The following TENM3 variants were observed in gnomAD, a reference collection of about 807,000 sequenced individuals.
TENM3 encodes teneurin transmembrane protein 3, also known as teneurin-3.
TENM3 carries 63 observed loss-of-function variants against 255.1 expected under a neutral mutation model. That is an observed-to-expected ratio of 0.25 (90% CI 0.20 to 0.30). The LOEUF is 0.30. TENM3 is among the 10% of genes least tolerant of loss of function. The pLI is 1.00. For synonymous variants in TENM3, 1,306 were observed against 1,322.3 expected (o/e 0.99, Z 0.27); for missense variants, 2,929 against 3,461.1 (o/e 0.85, Z 3.86).
At chr4:181,835,967 C>T in the TENM3 span, among the ~76,000 whole-genome samples, 107,989 of 151,842 alleles carry the variant, frequency 0.71, 38,666 homozygotes, top group East Asian at 0.93. Flanking sequence ...TTGGTAACTA[C>T]GTTTGCCTGT....
the TENM3 span, among the ~76,000 whole-genome samples, chr4:182,037,150 A>ATTCTTTTTTTTTTTTTTTTTTTTTT: frequency 6.9e-6 from 1 of 144,682 alleles, no homozygotes; most frequent in Non-Finnish European, 1.5e-5. Flanking sequence ...AACTCCTTTT[A>ATTCTTTTTTTTTTTTTTTTTTTTTT]TTTTTTTTTT....
chr4:181,798,773 A>G, the TENM3 span, among the ~76,000 whole-genome samples: 2 of 152,232 alleles, frequency 1.3e-5, no homozygotes, highest in Admixed American at 1.3e-4. Flanking sequence ...CAAAACTGGC[A>G]TAAATCCAGA....
chr4:182,162,674 A>C (rs973743759), intron 1 of TENM3, among the ~76,000 whole-genome samples: 1 of 152,194 alleles, frequency 6.6e-6, no homozygotes, highest in African/African-American at 2.4e-5. Context: ...AGGTGCTGGC[A>C]GACTCAGTGT....
At chr4:181,469,579 A>G in the TENM3 span, among the ~76,000 whole-genome samples, 2 of 152,204 alleles carry the variant, frequency 1.3e-5, no homozygotes. Flanking sequence ...GTAGTAAGCC[A>G]TAGTTCATGG....
the TENM3 span, among the ~76,000 whole-genome samples, chr4:182,111,461 A>G: frequency 1.3e-5 from 2 of 152,128 alleles, no homozygotes; most frequent in Admixed American, 1.3e-4. Flanking sequence ...CCAAATACAG[A>G]ACACCTTTTT....
chr4:181,487,717 T>C, the TENM3 span, among the ~76,000 whole-genome samples: 1 of 152,038 alleles, frequency 6.6e-6, no homozygotes, highest in African/African-American at 2.4e-5. Flanking sequence ...TCTGGATATC[T>C]GACCTCCCAG....
At chr4:182,742,739 T>C (rs1761705310) in intron 18 of TENM3, among the ~76,000 whole-genome samples, 1 of 152,206 alleles carries the variant, frequency 6.6e-6, no homozygotes. Flanking sequence ...GTTAAGATCA[T>C]CTGGAGAGTT....
intron 18 of TENM3, among the ~76,000 whole-genome samples, chr4:182,739,798 G>A (rs1761462521): frequency 6.6e-6 from 1 of 152,198 alleles, no homozygotes. Context: ...CACTTCAGGA[G>A]GCCAAGGCAG....
chr4:181,785,648 G>A, the TENM3 span, among the ~76,000 whole-genome samples: 1 of 152,026 alleles, frequency 6.6e-6, no homozygotes, highest in Admixed American at 6.6e-5. Context: ...CTAATTTTCA[G>A]ATTTGAGATG....
At chr4:181,535,227 C>A in the TENM3 span, among the ~76,000 whole-genome samples, 1 of 152,194 alleles carries the variant, frequency 6.6e-6, no homozygotes, top group African/African-American at 2.4e-5. Flanking sequence ...CCCGACCCAC[C>A]AGGTGACCTT....
chr4:182,413,403 C>T (rs549315571), intron 3 of TENM3, among the ~76,000 whole-genome samples: 4 of 152,136 alleles, frequency 2.6e-5, no homozygotes, highest in Admixed American at 6.5e-5. Context: ...GATCACATAA[C>T]GTCAGGAGTC....
intron 5 of TENM3, among the ~76,000 whole-genome samples, chr4:182,629,850 A>G (rs1260542004): frequency 1.3e-5 from 2 of 152,232 alleles, no homozygotes; most frequent in Non-Finnish European, 2.9e-5. Context: ...CTCCTGTGAT[A>G]TAATTATGCA....
At chr4:181,753,462 A>T in the TENM3 span, among the ~76,000 whole-genome samples, 5 of 152,094 alleles carry the variant, frequency 3.3e-5, no homozygotes, top group Non-Finnish European at 7.4e-5. Flanking sequence ...AGCATCAGAG[A>T]TCTGGCTAGT....
chr4:182,420,979 A>G (rs1396123157), intron 3 of TENM3, among the ~76,000 whole-genome samples: 2 of 152,212 alleles, frequency 1.3e-5, no homozygotes, highest in African/African-American at 2.4e-5. Flanking sequence ...CAAAGAAAAA[A>G]AAAGTCAAAT....
At chr4:182,687,527 A>G (rs1756678744) in intron 11 of TENM3, among the ~76,000 whole-genome samples, 1 of 152,160 alleles carries the variant, frequency 6.6e-6, no homozygotes, top group Non-Finnish European at 1.5e-5. Context: ...GTATTATTAA[A>G]CTGGTTTTGT....
At chr4:181,773,276 C>A in the TENM3 span, among the ~76,000 whole-genome samples, 1 of 152,026 alleles carries the variant, frequency 6.6e-6, no homozygotes, top group Non-Finnish European at 1.5e-5. Flanking sequence ...TTGTAGAGAC[C>A]AAAATCAGTC....
chr4:182,508,010 G>A (rs1413018604), intron 3 of TENM3, among the ~76,000 whole-genome samples: 1 of 152,154 alleles, frequency 6.6e-6, no homozygotes, highest in African/African-American at 2.4e-5. Flanking sequence ...TCAGGCTCTG[G>A]TATCAGGTTT....
the TENM3 span, among the ~76,000 whole-genome samples, chr4:181,865,354 A>AT: frequency 6.6e-6 from 1 of 152,126 alleles, no homozygotes; most frequent in African/African-American, 2.4e-5. Context: ...CTGATAGCTA[A>AT]TTTTTTCTCT....
chr4:181,797,919 C>G, the TENM3 span, among the ~76,000 whole-genome samples: 1 of 152,116 alleles, frequency 6.6e-6, no homozygotes, highest in African/African-American at 2.4e-5. Flanking sequence ...CCAGCTGTCT[C>G]TATTTTCTCT....
Sources: gnomAD v4.1 joint callset for allele counts (sites outside exome capture counted in the v4.1 genomes callset) on GRCh38, gnomAD v4.1.1 for gene constraint, MANE v1.5 for transcripts, NCBI Gene and HGNC (gene_info 2026-07-23, HGNC 2026-07-21) for gene names.